Variants in ADD2 observed in about 807,000 individuals in gnomAD.
The protein encoded by ADD2 is adducin 2, also known as beta-adducin.
A neutral mutation model predicts 83.0 loss-of-function variants in ADD2; 23 were observed. The observed-to-expected ratio is 0.28, with a 90% confidence interval of 0.20 to 0.39. The LOEUF (loss-of-function observed/expected upper bound fraction) is 0.39. Ranked by LOEUF, ADD2 falls within the 10% of genes least tolerant of loss-of-function variation. ADD2 has a pLI of 1.00. For synonymous variants in ADD2, 375 were observed against 375.4 expected (o/e 1.00, Z 0.01); for missense variants, 758 against 944.9 (o/e 0.80, Z 2.59).
In ADD2 at chr2:70,768,068, G is replaced by T; in HGVS notation, c.-336C>A. 7.8e-7 allele frequency: 1 copy of T among 1,275,798 alleles called. No individual in the cohort carries two copies. The highest frequency in any genetic ancestry group is 2.7e-5 in the Admixed American group (1 of 37,402). 79.0% of individuals were successfully genotyped at this position (1,275,798 alleles called of 1,614,324 possible). On this transcript the variant is annotated 5_prime_UTR_variant, in exon 1 of 16. Coordinates refer to ENST00000264436, the MANE Select transcript of ADD2 (RefSeq NM_001617.4). ...TGGGAGATCCCCCAGCAGTGCAGCG[G>T]CTCCGCGGCGGCGGGGATGACTGGC... is the stretch of plus-strand genomic sequence containing the variant.
chr2:70,732,834 T>C (rs79899600), intron 1 of ADD2, among the ~76,000 whole-genome samples: 3,008 of 152,152 alleles, frequency 0.02, 50 homozygotes, highest in Middle Eastern at 0.027. Flanking sequence ...TCACCACTGG[T>C]TATTTGGGGG....
Position 70,706,284 on chromosome 2 carries a change from C to T in ADD2, c.125G>A (p.Arg42Gln), listed in dbSNP as rs144732476. 2.2e-4 allele frequency: 350 copies of T among 1,614,108 alleles called. No homozygotes were observed. Among genetic ancestry groups the T allele is most frequent in the Non-Finnish European group, 2.6e-4 (307 of 1,180,006 alleles). ...CTGCTCCATCAGGTTGAAGTCCTGC[C>T]GCAGGTCCGCCGCCCGGTTGCGAAG... ...MRLRNRAADL[R>Q]QDFNLMEQKK... The change falls in exon 3 of 16, where the codon CGG (arginine) becomes CAG (glutamine). Residue 42 changes from arginine to glutamine, a missense_variant. Transcript: ENST00000264436. The surrounding 1 kb of genome is among the most constrained non-coding windows in gnomAD (Gnocchi z 5.0).
At chr2:70,739,387 T>A (rs529734488) in intron 1 of ADD2, among the ~76,000 whole-genome samples, 1 of 152,336 alleles carries the variant, frequency 6.6e-6, no homozygotes, top group Admixed American at 6.5e-5. Flanking sequence ...AAATTACAGA[T>A]ACTGGCAAGG....
intron 15 of ADD2, among the ~76,000 whole-genome samples, chr2:70,672,443 G>A (rs1051364377): frequency 2.6e-5 from 4 of 152,182 alleles, no homozygotes; most frequent in Non-Finnish European, 4.4e-5. Context: ...TCCAATGTGC[G>A]GTTAAGGTTG....
At chr2:70,692,740 G>A (rs1004363611) in intron 6 of ADD2, among the ~76,000 whole-genome samples, 188 bp from the exon 7 acceptor site, 3 of 133,764 alleles carry the variant, frequency 2.2e-5, no homozygotes, top group Non-Finnish European at 4.8e-5. Flanking sequence ...ACAGTCTAAC[G>A]GGACACAGAC....
intron 4 of ADD2, among the ~76,000 whole-genome samples, chr2:70,703,193 A>C (rs1459791875): frequency 6.6e-6 from 1 of 152,044 alleles, no homozygotes; most frequent in Non-Finnish European, 1.5e-5. Flanking sequence ...AAGGAAAGGA[A>C]GAAGAAAAGA....
intron 1 of ADD2, among the ~76,000 whole-genome samples, chr2:70,738,695 G>C (rs1673714973): frequency 6.6e-6 from 1 of 152,224 alleles, no homozygotes; most frequent in Non-Finnish European, 1.5e-5. Flanking sequence ...ATTGCAGCCA[G>C]AGATTTGAAG....
chr2:70,750,556 T>C (rs180744934), intron 1 of ADD2, among the ~76,000 whole-genome samples: 1 of 152,134 alleles, frequency 6.6e-6, no homozygotes, highest in African/African-American at 2.4e-5. Context: ...ATGACAGAGG[T>C]AGAGACTGGA....
rs1174240494 is a variant in ADD2, at chr2:70,688,075, T to C, written c.897A>G (p.Val299=). 3.1e-6 allele frequency: 5 copies of C among 1,614,090 alleles called. No homozygotes were observed. The highest frequency in any genetic ancestry group is 1.3e-5 in the African/African-American group (1 of 74,946). ...GGAAGATCTTGTAAAATGCCTCCTC[T>C]ACCGTGTCACCCAGAGCAACCACTC... The part of the protein sequence containing the change: ...NHGVVALGDT[V]EEAFYKIFHL... The change falls in exon 9 of 16, where the codon GTA becomes GTG. Residue 299 remains valine (V), a synonymous_variant. Coordinates refer to ENST00000264436, the MANE Select transcript of ADD2 (RefSeq NM_001617.4).
chr2:70,753,697 T>C (rs1674629518), intron 1 of ADD2, among the ~76,000 whole-genome samples: 1 of 151,912 alleles, frequency 6.6e-6, no homozygotes, highest in Non-Finnish European at 1.5e-5. Flanking sequence ...GAAAGGAAAT[T>C]TGGAGAAAAG....
At chr2:70,670,376 A>G (rs576259433) in intron 15 of ADD2, among the ~76,000 whole-genome samples, 2 of 152,348 alleles carry the variant, frequency 1.3e-5, no homozygotes, top group South Asian at 4.1e-4. Flanking sequence ...TGAGATGGCT[A>G]GATTAGTTAG....
intron 14 of ADD2, among the ~76,000 whole-genome samples, chr2:70,673,881 C>G (rs567171227): frequency 9.6e-4 from 145 of 151,826 alleles, no homozygotes; most frequent in African/African-American, 3.5e-3. Context: ...ACAGGCCATT[C>G]CTGGCCAGCA....
At chr2:70,685,084 G>T (rs911041693) in intron 9 of ADD2, among the ~76,000 whole-genome samples, 1 of 152,098 alleles carries the variant, frequency 6.6e-6, no homozygotes, top group Non-Finnish European at 1.5e-5. Flanking sequence ...CAGGTGTTCT[G>T]CACTGCACAT....
intron 15 of ADD2, among the ~76,000 whole-genome samples, chr2:70,669,334 C>G (rs533786644): frequency 6.6e-6 from 1 of 152,236 alleles, no homozygotes; most frequent in African/African-American, 2.4e-5. Flanking sequence ...GAAGGTGGAC[C>G]AAGAAATAGA....
chr2:70,709,957 T>C (rs1363884826), intron 2 of ADD2, among the ~76,000 whole-genome samples: 6 of 152,202 alleles, frequency 3.9e-5, no homozygotes, highest in African/African-American at 1.4e-4. Context: ...CACACAGACA[T>C]GTGGCCCCCA....
At chr2:70,761,937 G>A (rs1574335617) in intron 1 of ADD2, among the ~76,000 whole-genome samples, 2 of 151,552 alleles carry the variant, frequency 1.3e-5, no homozygotes, top group East Asian at 3.9e-4. Flanking sequence ...CTGAAGTGCT[G>A]GGATTACAGG....
intron 15 of ADD2, among the ~76,000 whole-genome samples, chr2:70,668,737 T>C (rs1204210817): frequency 1.3e-5 from 2 of 152,176 alleles, no homozygotes; most frequent in Non-Finnish European, 2.9e-5. Context: ...CCTTGCATAA[T>C]TGAAGGAGCA....
intron 1 of ADD2, among the ~76,000 whole-genome samples, chr2:70,731,054 C>T (rs559543376): frequency 6.6e-6 from 1 of 152,220 alleles, no homozygotes; most frequent in Non-Finnish European, 1.5e-5. Flanking sequence ...AGACAGCTTT[C>T]TTCCTGGTGC....
At chr2:70,746,955 C>G (rs1558576403) in intron 1 of ADD2, among the ~76,000 whole-genome samples, 1 of 151,116 alleles carries the variant, frequency 6.6e-6, no homozygotes, top group Non-Finnish European at 1.5e-5. Flanking sequence ...TGAGAGACAG[C>G]AAAGATTTAG....
Sources: gnomAD v4.1 joint callset for allele counts (sites outside exome capture counted in the v4.1 genomes callset) on GRCh38, gnomAD v4.1.1 for gene constraint, Gnocchi (gnomAD v3.1) non-coding constraint, MANE v1.5 for transcripts, NCBI Gene and HGNC (gene_info 2026-07-23, HGNC 2026-07-21) for gene names.